Variants in GRK5 observed in about 807,000 individuals in gnomAD.
The protein encoded by GRK5 is G protein-coupled receptor kinase 5.
A neutral mutation model predicts 78.4 loss-of-function variants in GRK5; 40 were observed. The observed-to-expected ratio is 0.51, with a 90% confidence interval of 0.40 to 0.66. GRK5 has a LOEUF of 0.66. Among genes scored for constraint, GRK5 ranks in the 30% least tolerant of loss-of-function variants. The probability of loss-of-function intolerance (pLI) is 0.00; values close to 1 mark genes in which losing one functional copy is unlikely to be tolerated. For missense variants in GRK5, 598 were observed against 759.9 expected (o/e 0.79, Z 2.50); for synonymous variants, 289 against 296.8 (o/e 0.97, Z 0.27).
intron 15 of GRK5, among the ~76,000 whole-genome samples, chr10:119,454,307 GGC>G (rs1853356205): frequency 6.6e-6 from 1 of 152,148 alleles, no homozygotes; most frequent in East Asian, 1.9e-4. Flanking sequence ...TTGGTTATGT[GGC>G]AACTTACGGA....
chr10:119,229,912 TAAGG>T (rs1848798285), intron 1 of GRK5, among the ~76,000 whole-genome samples: 1 of 152,202 alleles, frequency 6.6e-6, no homozygotes, highest in African/African-American at 2.4e-5. Context: ...TCTGACAGGC[TAAGG>T]ACACATTCAG....
intron 3 of GRK5, among the ~76,000 whole-genome samples, chr10:119,396,358 G>C (rs1481782112): frequency 6.6e-6 from 1 of 152,236 alleles, no homozygotes; most frequent in Non-Finnish European, 1.5e-5. Context: ...CGGCTGCCCA[G>C]GTGCCAGCCC....
At chr10:119,315,500 T>C (rs373376127) in intron 1 of GRK5, among the ~76,000 whole-genome samples, 1 of 152,094 alleles carries the variant, frequency 6.6e-6, no homozygotes, top group East Asian at 1.9e-4. Flanking sequence ...CAGGAGGCAG[T>C]AGACACAGGG....
At chr10:119,413,141 C>T (rs376056965) in intron 4 of GRK5, among the ~76,000 whole-genome samples, 1 of 151,948 alleles carries the variant, frequency 6.6e-6, no homozygotes, top group African/African-American at 2.4e-5. Context: ...ACCATGAGAC[C>T]GACACGGCGG....
chr10:119,287,486 G>A (rs79677647), intron 1 of GRK5, among the ~76,000 whole-genome samples: 164 of 152,222 alleles, frequency 1.1e-3, no homozygotes, highest in African/African-American at 3.6e-3. Flanking sequence ...ACATCTGTCC[G>A]TCCATTATTA....
Position 119,264,388 on chromosome 10 carries a change from G to T in GRK5, c.52+56419G>T, listed in dbSNP as rs1404900381. 1.3e-5 allele frequency among the ~76,000 whole-genome samples: 2 copies of T among 152,198 alleles called. No homozygotes were observed. Among genetic ancestry groups the T allele is most frequent in the Non-Finnish European group, 2.9e-5 (2 of 68,032 alleles). On this transcript the variant is annotated intron_variant, in intron 1 of 15. Coordinates refer to ENST00000392870, the MANE Select transcript of GRK5 (RefSeq NM_005308.3). This position sits in a 1 kb window ranked among gnomAD's most constrained non-coding sequence, Gnocchi z 4.1. ...GCTCAAGTCCTACCATCTGGTGTTTGTCCTTCTCTGTTTCCTGCCTCCTGC... is the reference window on the plus strand; with the variant it reads ...GCTCAAGTCCTACCATCTGGTGTTTTTCCTTCTCTGTTTCCTGCCTCCTGC...
Position 119,221,182 on chromosome 10 carries a change from A to G in GRK5, c.52+13213A>G, listed in dbSNP as rs143913092. Among the ~76,000 whole-genome samples, 254 of 152,128 alleles carry G rather than the reference A, an allele frequency of 1.7e-3. 1 individual carries two copies. Among genetic ancestry groups the G allele is most frequent in the Middle Eastern group, 3.4e-3 (1 of 294 alleles). On this transcript the variant is annotated intron_variant, in intron 1 of 15. Coordinates refer to ENST00000392870, the MANE Select transcript of GRK5 (RefSeq NM_005308.3). ...GAAAAAAAAAAAAGTCCAAAGGACC[A>G]TGTAAAGCATCTCTCTCTGTCTTCC...
intron 1 of GRK5, among the ~76,000 whole-genome samples, chr10:119,323,394 G>A (rs1211875660): frequency 6.6e-6 from 1 of 152,234 alleles, no homozygotes; most frequent in Non-Finnish European, 1.5e-5. Context: ...ATGGGGAGCA[G>A]GGGATGGACC....
At chr10:119,396,595 G>C in intron 3 of GRK5, 100 bp from the exon 4 acceptor site, 1 of 961,842 alleles carries the variant, frequency 1.0e-6, no homozygotes. Flanking sequence ...GGTTGGTCAG[G>C]TGGCCTCTAG....
intron 1 of GRK5, among the ~76,000 whole-genome samples, chr10:119,292,113 TTCCTCCCTCTCCTCA>T (rs1849984849): frequency 5.3e-5 from 1 of 18,852 alleles, no homozygotes; most frequent in Non-Finnish European, 1.1e-4. Context: ...CCTTCTCCTC[TTCCTCCCTCTCCTCA>T]TCTTCCTCCT....
chr10:119,313,482 G>T (rs537527712), intron 1 of GRK5, among the ~76,000 whole-genome samples: 3 of 152,266 alleles, frequency 2.0e-5, no homozygotes, highest in South Asian at 4.1e-4. Context: ...GTCTCAGTTT[G>T]CAGGAGAAAA....
At position 119,327,304 on chromosome 10, in the gene GRK5, C is replaced by T. The variant is rs74157658; in HGVS notation, c.148+693C>T. ...GGCTGTGGTGAGGAGGCCTGGGTGC[C>T]TGGGCGAGAGCGCCCAGGGGACAGG... is the stretch of plus-strand genomic sequence containing the variant. On this transcript the variant is annotated intron_variant, in intron 2 of 15. Coordinates refer to ENST00000392870, the MANE Select transcript of GRK5 (RefSeq NM_005308.3). Among the ~76,000 whole-genome samples, 267 of 152,326 alleles carry T rather than the reference C, an allele frequency of 1.8e-3. 1 individual carries two copies. The highest frequency in any genetic ancestry group is 6.3e-3 in the African/African-American group (260 of 41,574).
chr10:119,233,587 A>AC (rs1819222225), intron 1 of GRK5, among the ~76,000 whole-genome samples: 1 of 151,662 alleles, frequency 6.6e-6, no homozygotes, highest in South Asian at 2.1e-4. Flanking sequence ...GGCCAGATGT[A>AC]CCCCCCTGGT....
intron 1 of GRK5, among the ~76,000 whole-genome samples, chr10:119,210,194 G>A (rs1174094036): frequency 6.6e-6 from 1 of 151,982 alleles, no homozygotes; most frequent in Non-Finnish European, 1.5e-5. Flanking sequence ...GAGTTTGGTC[G>A]TCATCTCATG....
chr10:119,383,884 A>G (rs1377137837), intron 3 of GRK5, among the ~76,000 whole-genome samples: 1 of 152,132 alleles, frequency 6.6e-6, no homozygotes, highest in African/African-American at 2.4e-5. Context: ...AGTTTGGCAC[A>G]AGGGTTATTA....
chr10:119,394,198 G>T (rs1361926480), intron 3 of GRK5, among the ~76,000 whole-genome samples: 1 of 145,492 alleles, frequency 6.9e-6, no homozygotes, highest in African/African-American at 2.6e-5. Flanking sequence ...GTGTATGGGG[G>T]TGTGTATCTG....
intron 15 of GRK5, among the ~76,000 whole-genome samples, chr10:119,454,754 C>T (rs988631140): frequency 1.3e-5 from 2 of 152,178 alleles, no homozygotes; most frequent in South Asian, 4.1e-4. Flanking sequence ...TAGGAGGGGC[C>T]GCCTCCACCC....
At chr10:119,364,039 G>A (rs1047468116) in intron 2 of GRK5, among the ~76,000 whole-genome samples, 1 of 152,202 alleles carries the variant, frequency 6.6e-6, no homozygotes, top group Non-Finnish European at 1.5e-5. Flanking sequence ...AGAAGAGTCC[G>A]GAGCTAGACC....
intron 9 of GRK5, among the ~76,000 whole-genome samples, chr10:119,438,689 C>G (rs148519946): frequency 2.0e-4 from 30 of 152,232 alleles, no homozygotes; most frequent in Non-Finnish European, 4.3e-4. Context: ...CCACTCACCA[C>G]GGCCTCTCTT....
Sources: allele counts gnomAD v4.1 joint callset (sites outside exome capture counted in the v4.1 genomes callset), GRCh38; gene constraint gnomAD v4.1.1; non-coding constraint Gnocchi (gnomAD v3.1); transcripts MANE v1.5; gene names NCBI Gene and HGNC (gene_info 2026-07-23, HGNC 2026-07-21).